MRC2: variants seen among roughly 807,000 people sequenced by gnomAD.
The protein encoded by MRC2 is mannose receptor C-type 2, also known as C-type mannose receptor 2.
In MRC2, 84 loss-of-function variants were observed where a neutral mutation model predicts 206.2. That is an observed-to-expected ratio of 0.41 (90% CI 0.34 to 0.49). MRC2 has a LOEUF of 0.49. Among genes scored for constraint, MRC2 ranks in the 20% least tolerant of loss-of-function variants. MRC2 has a pLI of 0.31. For missense variants in MRC2, 1,676 were observed against 2,001.5 expected (o/e 0.84, Z 3.10); for synonymous variants, 798 against 800.0 (o/e 1.00, Z 0.04).
rs1419305567 is a variant in MRC2, at chr17:62,666,189, C to T, written c.616C>T (p.Arg206Cys). ...GTTCCACGGCTGCACCAGCACGGGC[C>T]GCGAGGATGGTCACCTGTGGTGTGC... is the stretch of plus-strand genomic sequence containing the variant. ...QWFHGCTSTGREDGHLWCATT... is the reference protein window; with the variant it reads ...QWFHGCTSTGCEDGHLWCATT... Residue 206 changes from arginine (R) to cysteine (C), a missense_variant, in exon 3 of 30, where the codon CGC (arginine) becomes TGC (cysteine). By Grantham distance (180) the Arg-to-Cys change is radical. Transcript: ENST00000303375. The surrounding 1 kb of genome is among the most constrained non-coding windows in gnomAD (Gnocchi z 5.0). The T allele has an allele frequency of 9.4e-6, 15 of 1,603,622 alleles. No homozygotes were observed. The highest frequency in any genetic ancestry group is 1.3e-5 in the Non-Finnish European group (15 of 1,175,318).
intron 1 of MRC2, among the ~76,000 whole-genome samples, chr17:62,649,202 G>A (rs779464339): frequency 2.0e-5 from 3 of 152,224 alleles, no homozygotes; most frequent in African/African-American, 4.8e-5. Flanking sequence ...CTGATCTGTC[G>A]TCACAGAAGT....
intron 1 of MRC2, among the ~76,000 whole-genome samples, chr17:62,644,939 G>C (rs1012060999): frequency 2.0e-5 from 3 of 152,112 alleles, no homozygotes; most frequent in African/African-American, 7.2e-5. Context: ...CTTTATCTTT[G>C]TGACTTAGCC....
chr17:62,662,593 A>G (rs1003958786), intron 1 of MRC2, among the ~76,000 whole-genome samples: 1 of 152,174 alleles, frequency 6.6e-6, no homozygotes, highest in African/African-American at 2.4e-5. Context: ...CCCAAGTCCC[A>G]TATTCAGTGG....
At chr17:62,670,098 G>T (rs1421825975) in intron 6 of MRC2, among the ~76,000 whole-genome samples, 1 of 152,202 alleles carries the variant, frequency 6.6e-6, no homozygotes, top group African/African-American at 2.4e-5. Context: ...GGTCTTCCCG[G>T]ACCTGCAGAC....
intron 28 of MRC2, 87 bp downstream of exon 28, chr17:62,691,215 AG>A: frequency 6.9e-7 from 1 of 1,441,018 alleles, no homozygotes; most frequent in Non-Finnish European, 9.3e-7. Context: ...TCACAACTGC[AG>A]GGGGCACAGC....
At position 62,666,002 on chromosome 17, in the gene MRC2, T is replaced by G; in HGVS notation, c.521-92T>G. 1 of 1,366,640 alleles carries G rather than the reference T, an allele frequency of 7.3e-7. No homozygotes were observed. Among genetic ancestry groups the G allele is most frequent in the East Asian group, 2.5e-5 (1 of 39,636 alleles). 84.7% of individuals were successfully genotyped at this position (1,366,640 alleles called of 1,614,324 possible). On this transcript the variant is annotated intron_variant, in intron 2 of 29. Transcript: ENST00000303375. The surrounding 1 kb of genome is among the most constrained non-coding windows in gnomAD (Gnocchi z 5.0). ...TGATCCCTGTGAACACCCAGCACTCTGGGTTTTAGGGGATTTCTCCTGAGG... is the reference window on the plus strand; with the variant it reads ...TGATCCCTGTGAACACCCAGCACTCGGGGTTTTAGGGGATTTCTCCTGAGG...
intron 20 of MRC2, among the ~76,000 whole-genome samples, chr17:62,685,714 AT>A (rs534533041): frequency 6.6e-6 from 1 of 151,470 alleles, no homozygotes; most frequent in African/African-American, 2.4e-5. Context: ...TAATTTTTCT[AT>A]TTTTTTTGTA....
At chr17:62,633,090 G>A (rs2088265932) in intron 1 of MRC2, among the ~76,000 whole-genome samples, 1 of 152,134 alleles carries the variant, frequency 6.6e-6, no homozygotes. Flanking sequence ...AATACCTCTT[G>A]TAGAGGTATT....
intron 1 of MRC2, among the ~76,000 whole-genome samples, chr17:62,648,024 C>T (rs904416906): frequency 4.6e-5 from 7 of 152,152 alleles, no homozygotes; most frequent in African/African-American, 1.7e-4. Context: ...TCAAGTGACT[C>T]GCTCAGGAAC....
At chr17:62,682,547 A>T (rs1175414290) in intron 20 of MRC2, among the ~76,000 whole-genome samples, 170 bp downstream of exon 20, 3 of 152,218 alleles carry the variant, frequency 2.0e-5, no homozygotes, top group African/African-American at 7.2e-5. Flanking sequence ...GACTCCTTGG[A>T]AAATGACTCA....
intron 6 of MRC2, among the ~76,000 whole-genome samples, chr17:62,669,085 AACACACACAC>A (rs72222842): frequency 7.0e-4 from 100 of 143,152 alleles, no homozygotes; most frequent in South Asian, 2.8e-3. Context: ...AAAATATGGC[AACACACACAC>A]ACACACACAC....
Position 62,675,918 on chromosome 17 carries a change from C to T in MRC2, c.1685+13C>T, listed in dbSNP as rs536228030. 1.3e-5 allele frequency: 21 copies of T among 1,610,430 alleles called. No homozygotes were observed. The highest frequency in any genetic ancestry group is 2.2e-5 in the East Asian group (1 of 44,860). Reference sequence around the variant, plus strand: ...CCATCACCAACAGGTACAGCAGGGGCGGGTGCCCTGACTAGCCCTTGCCCA... The same window carrying T: ...CCATCACCAACAGGTACAGCAGGGGTGGGTGCCCTGACTAGCCCTTGCCCA... On this transcript the variant is annotated intron_variant, in intron 10 of 29. Coordinates refer to ENST00000303375, the MANE Select transcript of MRC2 (RefSeq NM_006039.5). The surrounding 1 kb of genome is among the most constrained non-coding windows in gnomAD (Gnocchi z 4.1).
chr17:62,692,474 A>C lies in MRC2; in HGVS notation c.*23A>C. ...TAGAGCCAGGCGCGTGGGCAGGGCCAGGGCGGGAGGAGCTGGGGAGCTGGG... is the reference window on the plus strand; with the variant it reads ...TAGAGCCAGGCGCGTGGGCAGGGCCCGGGCGGGAGGAGCTGGGGAGCTGGG... On this transcript the variant is annotated 3_prime_UTR_variant, in exon 30 of 30. Coordinates refer to ENST00000303375, the MANE Select transcript of MRC2 (RefSeq NM_006039.5). The surrounding 1 kb of genome is among the most constrained non-coding windows in gnomAD (Gnocchi z 4.2). 1 of 1,541,898 alleles carries C rather than the reference A, an allele frequency of 6.5e-7. No individual in the cohort carries two copies. Among genetic ancestry groups the C allele is most frequent in the Non-Finnish European group, 8.8e-7 (1 of 1,140,136 alleles).
At chr17:62,676,301 C>G in intron 10 of MRC2, 82 bp from the exon 11 acceptor site, 1 of 1,553,668 alleles carries the variant, frequency 6.4e-7, no homozygotes, top group Non-Finnish European at 8.7e-7. Flanking sequence ...AGCACCCGAG[C>G]TCCCACGGTA....
In MRC2 at chr17:62,689,560, G is replaced by A. The variant is rs368373474; in HGVS notation, c.3373G>A (p.Ala1125Thr). ...LSPSPAALPP[A>T]PGTELSYLNG... The stretch of plus-strand genomic sequence containing the variant: ...CCCGTCCCCAGCAGCGCTGCCCCCC[G>A]CCCCGGGCACTGAGCTCTCCTACCT... Residue 1125 changes from alanine (A) to threonine (T), a missense_variant, in exon 24 of 30, where the codon GCC (alanine) becomes ACC (threonine). Around this residue, in one of 3 missense-constraint regions of MRC2, gnomAD observed 1,354 missense variants for 1,636.6 expected, o/e 0.83. Coordinates refer to ENST00000303375, the MANE Select transcript of MRC2 (RefSeq NM_006039.5). 79 of 1,590,652 alleles carry A rather than the reference G, an allele frequency of 5.0e-5. No individual in the cohort carries two copies. The highest frequency in any genetic ancestry group is 6.5e-5 in the Non-Finnish European group (76 of 1,168,036).
intron 1 of MRC2, among the ~76,000 whole-genome samples, chr17:62,636,794 C>T (rs560954488): frequency 6.6e-5 from 10 of 152,142 alleles, no homozygotes; most frequent in Non-Finnish European, 1.0e-4. Context: ...TAACTAAAGA[C>T]AGAGTCTCAC....
chr17:62,653,806 A>ATG (rs536287607), intron 1 of MRC2, among the ~76,000 whole-genome samples: 196 of 152,110 alleles, frequency 1.3e-3, no homozygotes, highest in African/African-American at 4.4e-3. Flanking sequence ...ATGGTTCAGG[A>ATG]TGTCGGTGGG....
At position 62,690,871 on chromosome 17, in the gene MRC2, T is replaced by C. The variant is rs113463225; in HGVS notation, c.4013-78T>C. 8.1e-3 allele frequency: 12,029 copies of C among 1,493,808 alleles called. 863 individuals are homozygous for C. The African/African-American group carries it at 0.15, about 19-fold the overall frequency. The allele number at this position is 1,493,808 out of a possible 1,614,324, so 92.5% of individuals were successfully genotyped here. A position where few individuals can be genotyped will look rare whatever the true frequency, so the allele number is the denominator to read the frequency against. The stretch of plus-strand genomic sequence containing the variant: ...GGCTTGTCGGGGGACAGGGAGTCGG[T>C]TCTAGAACACACCTGCTCTCCTCCA... On this transcript the variant is annotated intron_variant, in intron 27 of 29. Transcript: ENST00000303375.
At chr17:62,682,114 T>C (rs931112733) in intron 19 of MRC2, 121 bp from the exon 20 acceptor site, 10 of 1,204,194 alleles carry the variant, frequency 8.3e-6, no homozygotes, top group Non-Finnish European at 1.1e-5. Flanking sequence ...AATTCGGAGC[T>C]GGACACAGGC....
Sources: allele counts gnomAD v4.1 joint callset (sites outside exome capture counted in the v4.1 genomes callset), GRCh38; gene constraint gnomAD v4.1.1; regional missense constraint gnomAD v4.1.1; non-coding constraint Gnocchi (gnomAD v3.1); transcripts MANE v1.5; gene names NCBI Gene and HGNC (gene_info 2026-07-23, HGNC 2026-07-21).